The following DHX38 variants were observed in gnomAD, a reference collection of about 807,000 sequenced individuals.
DHX38 encodes the protein DEAH-box helicase 38.
DHX38 carries 100 observed loss-of-function variants against 153.1 expected under a neutral mutation model. That is an observed-to-expected ratio of 0.65 (90% CI 0.56 to 0.77). The LOEUF (loss-of-function observed/expected upper bound fraction) is 0.77, where lower values mean the gene tolerates loss of function less well. Among genes scored for constraint, DHX38 ranks in the 30% least tolerant of loss-of-function variants. The pLI is 0.00. For missense variants in DHX38, 1,440 were observed against 1,654.0 expected, an observed-to-expected ratio of 0.87 and a Z score of 2.24; for synonymous variants, 650 against 631.7, an observed-to-expected ratio of 1.03 and a Z score of -0.43.
chr16:72,097,374 TAA>T (rs1200456210), intron 3 of DHX38: 46 of 431,318 alleles, frequency 1.1e-4, no homozygotes, highest in African/African-American at 5.9e-5. Context: ...TGCTCAGTAT[TAA>T]GTTTTATAGC....
Position 72,105,285 on chromosome 16 carries a change from C to T in DHX38, c.2316C>T (p.Ala772=). Residue 772 remains alanine (A), a synonymous_variant, in exon 17 of 27, where the codon GCC becomes GCT. Coordinates refer to ENST00000268482, the MANE Select transcript of DHX38 (RefSeq NM_014003.4). The part of the protein sequence containing the change: ...EHLEELENAP[A]LAVLPIYSQL... The stretch of plus-strand genomic sequence containing the variant: ...TGGAGGAACTGGAGAACGCGCCTGC[C>T]CTGGCTGTGCTGCCCATCTACTCTC... The T allele has an allele frequency of 2.5e-6, 4 of 1,613,824 alleles. No individual in the cohort carries two copies. Among genetic ancestry groups the T allele is most frequent in the Non-Finnish European group, 1.7e-6 (2 of 1,179,912 alleles).
chr16:72,109,755 GA>G, intron 25 of DHX38: 1 of 344,778 alleles, frequency 2.9e-6, no homozygotes, highest in South Asian at 4.2e-5. Context: ...ATGAAAGTGG[GA>G]AAAACAGTAC....
chr16:72,099,599 C>G (rs958117391), intron 7 of DHX38, 133 bp from the exon 8 acceptor site: 4 of 1,284,716 alleles, frequency 3.1e-6, no homozygotes, highest in East Asian at 2.5e-5. Context: ...AGGGAGGCCT[C>G]TCCTGCACCC....
In DHX38 at chr16:72,103,717, C is replaced by T. The variant is rs1467870826; in HGVS notation, c.1753C>T (p.Pro585Ser). Residue 585 changes from proline to serine, a missense_variant, in exon 13 of 27, where the codon CCC becomes TCC. This residue lies in a region of DHX38 where 241 missense variants were observed against 229.5 expected (regional missense o/e 1.05). Transcript: ENST00000268482. ...TDYGMIGCTQ[P>S]RRVAAMSVAK... ...CTATGGGATGATTGGGTGTACCCAG[C>T]CCCGGCGTGTAGCTGCCATGTCAGT... The T allele has an allele frequency of 1.2e-6, 2 of 1,614,070 alleles. No individual in the cohort carries two copies. Among genetic ancestry groups the T allele is most frequent in the South Asian group, 1.1e-5 (1 of 91,080 alleles).
Position 72,103,122 on chromosome 16 carries a change from C to T in DHX38, c.1548C>T (p.Ser516=), listed in dbSNP as rs1353269544. ...ACATGAAGAGAAAGAGCGAAGCCAG[C>T]AGTGAATTTGCAAAGAAGAAGTCCA... ...ADHMKRKSEA[S]SEFAKKKSIL... Residue 516 remains serine (S), a synonymous_variant, in exon 12 of 27, where the codon AGC becomes AGT. Coordinates refer to ENST00000268482, the MANE Select transcript of DHX38 (RefSeq NM_014003.4). 1 of 1,614,238 alleles carries T rather than the reference C, an allele frequency of 6.2e-7. No homozygotes were observed. Among genetic ancestry groups the T allele is most frequent in the Admixed American group, 1.7e-5 (1 of 60,024 alleles).
At chr16:72,111,189 A>G in intron 26 of DHX38, 112 bp downstream of exon 26, 2 of 1,402,388 alleles carry the variant, frequency 1.4e-6, no homozygotes, top group Non-Finnish European at 1.9e-6. Context: ...GTGTGAAGGC[A>G]AACTGGTGAC....
chr16:72,097,031 C>G (rs1364205361), intron 3 of DHX38, 22 bp downstream of exon 3: 2 of 1,589,464 alleles, frequency 1.3e-6, no homozygotes, highest in African/African-American at 1.4e-5. Flanking sequence ...AGCACAGTTC[C>G]TATTGTCCAT....
intron 22 of DHX38, 35 bp downstream of exon 22, chr16:72,108,417 G>C (rs1293768914): frequency 1.9e-6 from 3 of 1,613,780 alleles, no homozygotes; most frequent in East Asian, 4.5e-5. Flanking sequence ...TTGGGATGAG[G>C]GGAGGGTCGA....
In DHX38 at chr16:72,105,148, T is replaced by C. The variant is rs1445500103; in HGVS notation, c.2262+11T>C. On this transcript the variant is annotated intron_variant, in intron 16 of 26. Coordinates refer to ENST00000268482, the MANE Select transcript of DHX38 (RefSeq NM_014003.4). ...CAAGAGGACATTGAGGTGCGTGCCT[T>C]GGTCACGACTGTGATGAGCGGGTGT... is the stretch of plus-strand genomic sequence containing the variant. 2 of 1,614,142 alleles carry C rather than the reference T, an allele frequency of 1.2e-6. No individual in the cohort carries two copies. Among genetic ancestry groups the C allele is most frequent in the East Asian group, 2.2e-5 (1 of 44,874 alleles).
chr16:72,110,918 C>T (rs1259016793), intron 25 of DHX38, 38 bp from the exon 26 acceptor site: 3 of 1,548,596 alleles, frequency 1.9e-6, no homozygotes, highest in Admixed American at 2.0e-5. Flanking sequence ...CCTTAGTGGT[C>T]CCCAGTAGGC....
Position 72,105,507 on chromosome 16 carries a change from C to G in DHX38, c.2380-10C>G. The G allele has an allele frequency of 6.2e-7, 1 of 1,614,086 alleles. No individual in the cohort carries two copies. The highest frequency in any genetic ancestry group is 8.5e-7 in the Non-Finnish European group (1 of 1,179,962). On this transcript the variant is annotated splice_polypyrimidine_tract_variant and intron_variant, in intron 17 of 26. Coordinates refer to ENST00000268482, the MANE Select transcript of DHX38 (RefSeq NM_014003.4). ...GACTCATTTTTCCCTTCCTGTATGT[C>G]CTGCTCTAGGCTCCAGATGGCGTTC...
chr16:72,104,999 TCTGA>T lies in DHX38; in HGVS notation c.2152-24_2152-21del, dbSNP rs2042154000. The T allele has an allele frequency of 1.2e-6, 2 of 1,608,964 alleles. No homozygotes were observed. The highest frequency in any genetic ancestry group is 1.7e-6 in the Non-Finnish European group (2 of 1,176,552). On this transcript the variant is annotated intron_variant, in intron 15 of 26. Transcript: ENST00000268482. The surrounding 1 kb of genome is among the most constrained non-coding windows in gnomAD (Gnocchi z 4.5). ...CCGGCCTGCGCTTCTAGTACCTCCC[TCTGA>T]CTGTGTCCCCACTGCTGTTGCAGAC...
intron 10 of DHX38, 129 bp from the exon 11 acceptor site, chr16:72,101,371 G>A: frequency 8.7e-7 from 1 of 1,154,264 alleles, no homozygotes; most frequent in Non-Finnish European, 1.2e-6. Context: ...TTGGAATGTG[G>A]CTCGGTGCCA....
rs1373088700 is a variant in DHX38 at position 72,103,204 on chromosome 16, A to G, written c.1630A>G (p.Ile544Val). ...IFAVQQELLT[I>V]IRDNSIVIVV... The stretch of plus-strand genomic sequence containing the variant: ...TGCAGTGCAGCAGGAGCTGCTCACT[A>G]TTATCAGGTAACTTCACCCGGGGCC... Residue 544 changes from isoleucine (I) to valine (V), a missense_variant, in exon 12 of 27, where the codon ATT becomes GTT. Ile to Val is a conservative substitution (Grantham distance 29). This residue lies in a region of DHX38 where 241 missense variants were observed against 229.5 expected (regional missense o/e 1.05). Transcript: ENST00000268482. 1.2e-6 allele frequency: 2 copies of G among 1,613,472 alleles called. No homozygotes were observed. The highest frequency in any genetic ancestry group is 1.7e-5 in the Admixed American group (1 of 60,002).
In DHX38 at chr16:72,112,386, T is replaced by C. The variant is rs750698568; in HGVS notation, c.3600-27T>C. ...TGGCTGTGGGTGAGGGCACGGTGTT[T>C]CCTGATCTCTCCTGCTGTGTCTCCA... On this transcript the variant is annotated intron_variant, in intron 26 of 26. Coordinates refer to ENST00000268482, the MANE Select transcript of DHX38 (RefSeq NM_014003.4). 60 of 1,603,830 alleles carry C rather than the reference T, an allele frequency of 3.7e-5. 1 individual carries two copies. The South Asian group carries it at 6.4e-4, about 17-fold the overall frequency.
rs2042149331 is a variant in DHX38 at position 72,104,694 on chromosome 16, G to A, written c.2151+68G>A. 2.5e-6 allele frequency: 4 copies of A among 1,596,278 alleles called. No individual in the cohort carries two copies. The South Asian group carries it at 3.3e-5, about 13-fold the overall frequency. ...GCACTTCTCTGATGCGAAGCCGGCT[G>A]GAGGGTGGAGGGTGGGTAGGGGACT... On this transcript the variant is annotated intron_variant, in intron 15 of 26. Transcript: ENST00000268482. The surrounding 1 kb of genome is among the most constrained non-coding windows in gnomAD (Gnocchi z 4.5).
At chr16:72,103,036 G>C (rs368975238) in intron 11 of DHX38, 38 bp from the exon 12 acceptor site, 32 of 1,608,338 alleles carry the variant, frequency 2.0e-5, no homozygotes, top group Non-Finnish European at 2.6e-5. Context: ...ACAGCATGGG[G>C]CACCATGCAG....
In DHX38 at chr16:72,099,855, C is replaced by T; in HGVS notation, c.1084C>T (p.Arg362Cys). Residue 362 changes from arginine (R) to cysteine (C), a missense_variant, in exon 8 of 27, where the codon CGC (arginine) becomes TGC (cysteine). Transcript: ENST00000268482. ...GCACCTGCATAAACAGAAGCAGAAG[C>T]GCATTTCAGCTCAGCGGAGACAGAT... is the stretch of plus-strand genomic sequence containing the variant. ...EQHLHKQKQK[R>C]ISAQRRQINE... 1 of 1,611,736 alleles carries T rather than the reference C, an allele frequency of 6.2e-7. No individual in the cohort carries two copies. The highest frequency in any genetic ancestry group is 8.5e-7 in the Non-Finnish European group (1 of 1,178,858).
rs1310734032 is a variant in DHX38 at position 72,107,947 on chromosome 16, G to C, written c.2964+148G>C. 7.9e-7 allele frequency: 1 copy of C among 1,263,146 alleles called. No homozygotes were observed. The highest frequency in any genetic ancestry group is 2.8e-5 in the Admixed American group (1 of 36,254). The allele number at this position is 1,263,146 out of a possible 1,614,324, so 78.2% of individuals were successfully genotyped here. Reference sequence around the variant, plus strand: ...TTTGCTGTTCTCGGTTAAGCAGGTTGGGGTAGGGGAAAGGAAGGGCTGGGC... The same window carrying C: ...TTTGCTGTTCTCGGTTAAGCAGGTTCGGGTAGGGGAAAGGAAGGGCTGGGC... On this transcript the variant is annotated intron_variant, in intron 21 of 26. Coordinates refer to ENST00000268482, the MANE Select transcript of DHX38 (RefSeq NM_014003.4). This position sits in a 1 kb window ranked among gnomAD's most constrained non-coding sequence, Gnocchi z 5.3.
Sources: allele counts gnomAD v4.1 joint callset, GRCh38; gene constraint gnomAD v4.1.1; regional missense constraint gnomAD v4.1.1; non-coding constraint Gnocchi (gnomAD v3.1); transcripts MANE v1.5; gene names NCBI Gene and HGNC (gene_info 2026-07-23, HGNC 2026-07-21).